The following MTUS1 variants were observed in gnomAD, a reference collection of about 807,000 sequenced individuals.
The protein encoded by MTUS1 is microtubule-associated tumor suppressor 1.
MTUS1 carries 109 observed loss-of-function variants against 120.8 expected under a neutral mutation model. The ratio of observed to expected loss-of-function variants is 0.90; its 90% CI spans 0.77 to 1.06. The LOEUF (loss-of-function observed/expected upper bound fraction) is 1.06. Ranked by LOEUF, MTUS1 falls within the 50% of genes least tolerant of loss-of-function variation. The pLI, the probability that MTUS1 is intolerant of heterozygous loss-of-function variation, is 0.00. For synonymous variants in MTUS1, 737 were observed against 550.5 expected, an observed-to-expected ratio of 1.34 and a Z score of -4.74; for missense variants, 2,210 against 1,486.3, an observed-to-expected ratio of 1.49 and a Z score of -8.01.
chr8:17,742,574 G>A (rs1290697737), intron 3 of MTUS1, among the ~76,000 whole-genome samples: 2 of 151,996 alleles, frequency 1.3e-5, no homozygotes, highest in African/African-American at 4.8e-5. Context: ...AGATCCTCTG[G>A]GGATGGAGCC....
chr8:17,784,945 C>T (rs369483707), intron 1 of MTUS1, among the ~76,000 whole-genome samples: 6 of 151,992 alleles, frequency 3.9e-5, no homozygotes, highest in African/African-American at 1.2e-4. Flanking sequence ...CCACCATGTC[C>T]GGCTAATTTT....
At chr8:17,743,269 C>T (rs1374431151) in intron 3 of MTUS1, among the ~76,000 whole-genome samples, 1 of 152,110 alleles carries the variant, frequency 6.6e-6, no homozygotes, top group Non-Finnish European at 1.5e-5. Flanking sequence ...ACCTACCGTA[C>T]AACACTTCAG....
At chr8:17,678,111 A>G (rs1347144388) in intron 7 of MTUS1, among the ~76,000 whole-genome samples, 2 of 152,324 alleles carry the variant, frequency 1.3e-5, no homozygotes, top group South Asian at 2.1e-4. Flanking sequence ...CCCAGTGCCC[A>G]TACTGTAAAA....
At chr8:17,766,705 CCT>C (rs2049530104) in intron 1 of MTUS1, among the ~76,000 whole-genome samples, 1 of 151,846 alleles carries the variant, frequency 6.6e-6, no homozygotes, top group African/African-American at 2.4e-5. Context: ...ACAGCCAACC[CCT>C]CTTTTATAAC....
intron 1 of MTUS1, among the ~76,000 whole-genome samples, chr8:17,763,381 T>C (rs10097099): frequency 0.76 from 115,319 of 152,148 alleles, 44,650 homozygotes; most frequent in East Asian, 0.85. Flanking sequence ...GCTCATATTT[T>C]GCATCTAGAA....
At chr8:17,666,255 T>C (rs1289692710) in intron 8 of MTUS1, among the ~76,000 whole-genome samples, 2 of 150,386 alleles carry the variant, frequency 1.3e-5, no homozygotes, top group African/African-American at 4.9e-5. Flanking sequence ...TTTAAAGGAA[T>C]CCTGTTTCAA....
At chr8:17,796,793 A>G (rs75286218) in intron 1 of MTUS1, among the ~76,000 whole-genome samples, 3,796 of 152,216 alleles carry the variant, frequency 0.025, 161 homozygotes, top group African/African-American at 0.086. Context: ...ATCATCTACA[A>G]AACTTGGTTT....
chr8:17,737,031 A>T (rs1345929035), intron 3 of MTUS1, among the ~76,000 whole-genome samples: 1 of 152,226 alleles, frequency 6.6e-6, no homozygotes, highest in Non-Finnish European at 1.5e-5. Context: ...TTCTTAGCAC[A>T]AACCAGCCTT....
chr8:17,682,993 C>A (rs1369920040), intron 7 of MTUS1, among the ~76,000 whole-genome samples: 1 of 152,148 alleles, frequency 6.6e-6, no homozygotes, highest in Non-Finnish European at 1.5e-5. Flanking sequence ...ATCATTAAGG[C>A]TGGGCGCAGT....
At chr8:17,718,226 G>T (rs896589000) in intron 4 of MTUS1, among the ~76,000 whole-genome samples, 3 of 152,102 alleles carry the variant, frequency 2.0e-5, no homozygotes, top group Non-Finnish European at 4.4e-5. Context: ...TCCTAACATG[G>T]CAACTGACTG....
At position 17,644,025 on chromosome 8, in the gene MTUS1, CTA is replaced by C. The variant is rs1294046641; in HGVS notation, c.*1899_*1900del. On this transcript the variant is annotated 3_prime_UTR_variant, in exon 15 of 15. Coordinates refer to ENST00000693296, the MANE Select transcript of MTUS1 (RefSeq NM_001363059.2). ...CTCCAAAGATGTTTTATATTAACTG[CTA>C]TGAGATTTATTTGCCGGTCACGTAA... 1 of 152,216 alleles carries C rather than the reference CTA, an allele frequency of 6.6e-6. No homozygotes were observed. Among genetic ancestry groups the C allele is most frequent in the Non-Finnish European group, 1.5e-5 (1 of 68,052 alleles). 9.4% of individuals were successfully genotyped at this position (152,216 alleles called of 1,614,324 possible).
In MTUS1 at chr8:17,654,594, A is replaced by C; in HGVS notation, c.3181T>G (p.Leu1061Val). Residue 1061 changes from leucine to valine, a missense_variant, in exon 10 of 15, where the codon TTG (leucine) becomes GTG (valine). Transcript: ENST00000693296. Reference protein sequence around the residue: ...IEASHSEKLELLKKAYEASLS... With the variant: ...IEASHSEKLEVLKKAYEASLS... ...GAGGCTTCATAGGCCTTCTTTAGCAATTCAAGTTTCTCTGAGTGGCTAGCT... is the reference window on the plus strand; with the variant it reads ...GAGGCTTCATAGGCCTTCTTTAGCACTTCAAGTTTCTCTGAGTGGCTAGCT... The C allele has an allele frequency of 6.2e-7, 1 of 1,614,044 alleles. No individual in the cohort carries two copies. The highest frequency in any genetic ancestry group is 8.5e-7 in the Non-Finnish European group (1 of 1,179,850).
intron 14 of MTUS1, 131 bp from the exon 15 acceptor site, chr8:17,646,270 C>G (rs1197221666): frequency 9.6e-7 from 1 of 1,041,400 alleles, no homozygotes; most frequent in Non-Finnish European, 1.3e-6. Flanking sequence ...TGCACAAGGT[C>G]ACAGGTATTT....
chr8:17,659,156 C>A (rs1161265092), intron 8 of MTUS1, among the ~76,000 whole-genome samples: 4 of 151,994 alleles, frequency 2.6e-5, no homozygotes, highest in Non-Finnish European at 5.9e-5. Flanking sequence ...GGTGAGCAGT[C>A]TGAATTCTGA....
Position 17,767,621 on chromosome 8 carries a change from C to G in MTUS1, c.-154-11660G>C, listed in dbSNP as rs2049631208. Among the ~76,000 whole-genome samples, 3 of 150,824 alleles carry G rather than the reference C, an allele frequency of 2.0e-5. No individual in the cohort carries two copies. The South Asian group carries it at 6.3e-4, about 32-fold the overall frequency. ...GCTGAGGGCAGGAGGACTGCCTGAG[C>G]CCAGGATTTCGAGGTTACAGTGAGC... On this transcript the variant is annotated intron_variant, in intron 1 of 14. Coordinates refer to ENST00000693296, the MANE Select transcript of MTUS1 (RefSeq NM_001363059.2).
intron 1 of MTUS1, among the ~76,000 whole-genome samples, chr8:17,764,028 C>T (rs2049260826): frequency 6.6e-6 from 1 of 152,118 alleles, no homozygotes; most frequent in Non-Finnish European, 1.5e-5. Context: ...TAAACAGCCA[C>T]CCAGATCTCA....
intron 8 of MTUS1, chr8:17,674,663 A>T (rs1325639458): frequency 1.0e-6 from 1 of 986,912 alleles, no homozygotes; most frequent in Non-Finnish European, 1.2e-6. Context: ...CTCCCTGTGG[A>T]GCGGGGAGGT....
intron 6 of MTUS1, among the ~76,000 whole-genome samples, chr8:17,712,317 C>A (rs1373665988): frequency 6.6e-6 from 1 of 151,992 alleles, no homozygotes; most frequent in Non-Finnish European, 1.5e-5. Flanking sequence ...GAGACCTTAT[C>A]TATCTAGAGA....
At chr8:17,786,300 G>A (rs575575494) in intron 1 of MTUS1, among the ~76,000 whole-genome samples, 32 of 152,242 alleles carry the variant, frequency 2.1e-4, no homozygotes, top group Non-Finnish European at 2.9e-4. Flanking sequence ...AGAGACCAGA[G>A]AGGTCTGGAA....
Sources: allele counts gnomAD v4.1 joint callset (sites outside exome capture counted in the v4.1 genomes callset), GRCh38; gene constraint gnomAD v4.1.1; transcripts MANE v1.5; gene names NCBI Gene and HGNC (gene_info 2026-07-23, HGNC 2026-07-21).